CTSE: variants seen among roughly 807,000 people sequenced by gnomAD.
The protein encoded by CTSE is erythrocyte membrane aspartic proteinase.
CTSE carries 43 observed loss-of-function variants against 42.8 expected under a neutral mutation model. The ratio of observed to expected loss-of-function variants is 1.01; its 90% CI spans 0.79 to 1.30. The LOEUF (loss-of-function observed/expected upper bound fraction) is 1.30. CTSE is among the 50% of genes most tolerant of loss of function. The probability of loss-of-function intolerance (pLI) is 0.00; values close to 1 mark genes in which losing one functional copy is unlikely to be tolerated. For missense variants in CTSE, 532 were observed against 493.5 expected, an observed-to-expected ratio of 1.08 and a Z score of -0.74; for synonymous variants, 205 against 191.5, an observed-to-expected ratio of 1.07 and a Z score of -0.58.
In CTSE at chr1:206,023,034, G is replaced by T; in HGVS notation, c.92C>A (p.Ser31Tyr). 1 of 1,613,140 alleles carries T rather than the reference G, an allele frequency of 6.2e-7. No homozygotes were observed. The highest frequency in any genetic ancestry group is 2.2e-5 in the East Asian group (1 of 44,828). ...CCGTGCCCGCAGCTTCTTCTTGAGG[G>T]ACGGATGCCTCCTGAGGGGCACCCT... The part of the protein sequence containing the change: ...LHRVPLRRHP[S>Y]LKKKLRARSQ... The change falls in exon 2 of 9, where the codon TCC (serine) becomes TAC (tyrosine). Residue 31 changes from serine to tyrosine, a missense_variant. By Grantham distance (144) the Ser-to-Tyr change is moderately radical. Coordinates refer to ENST00000358184, the MANE Select transcript of CTSE (RefSeq NM_001910.4).
In CTSE at chr1:206,016,121, G is replaced by T; in HGVS notation, c.472C>A (p.Leu158Ile). The T allele has an allele frequency of 6.2e-7, 1 of 1,613,756 alleles. No individual in the cohort carries two copies. The highest frequency in any genetic ancestry group is 1.1e-5 in the South Asian group (1 of 91,082). ...IGADQVSVEG[L>I]TVVGQQFGES... ...CCAAACTGCTGGCCAACCACGGTTA[G>T]TCCTTCCACCTGGTAGGAGAAAGCC... The change falls in exon 5 of 9, where the codon CTA becomes ATA. Residue 158 changes from leucine (L) to isoleucine (I), a missense_variant. Physicochemically the swap from Leu to Ile is conservative, Grantham distance 5. Transcript: ENST00000358184.
At position 206,023,612 on chromosome 1, in the gene CTSE, C is replaced by T. The variant is rs545715999; in HGVS notation, c.68+112G>A. 1.9e-5 allele frequency: 19 copies of T among 981,322 alleles called. No homozygotes were observed. The East Asian group carries it at 4.1e-4, about 21-fold the overall frequency. 60.8% of individuals were successfully genotyped at this position (981,322 alleles called of 1,614,324 possible). ...GTCTCTTCCATGCATTGACGCAAGC[C>T]CTCAGCTTCTCCTCCTCTTCACCTC... is the stretch of plus-strand genomic sequence containing the variant. On this transcript the variant is annotated intron_variant, in intron 1 of 8. Coordinates refer to ENST00000358184, the MANE Select transcript of CTSE (RefSeq NM_001910.4).
rs782378691 is a variant in CTSE, at chr1:206,010,344, A to G, written c.1030T>C (p.Phe344Leu). 6.8e-6 allele frequency: 11 copies of G among 1,612,742 alleles called. No individual in the cohort carries two copies. The highest frequency in any genetic ancestry group is 8.5e-6 in the Non-Finnish European group (10 of 1,178,994). ...CTGCAGAACTGCATTCCATCCACGA[A>G]GTCCTGTGGGTTGGAAAGAAGGATG... ...LSPTAYTLLD[F>L]VDGMQFCSSG... is the part of the protein sequence containing the mutation. The change falls in exon 9 of 9, where the codon TTC (phenylalanine) becomes CTC (leucine). Residue 344 changes from phenylalanine (F) to leucine (L), a missense_variant. Physicochemically the swap from Phe to Leu is conservative, Grantham distance 22. Transcript: ENST00000358184.
chr1:206,013,635 C>T, intron 6 of CTSE, 137 bp downstream of exon 6: 2 of 1,093,316 alleles, frequency 1.8e-6, no homozygotes, highest in Admixed American at 2.3e-5. Flanking sequence ...ACTTGCTCAG[C>T]ACCTCCATAC....
chr1:206,019,099 T>A (rs1392226600), intron 4 of CTSE, among the ~76,000 whole-genome samples: 1 of 152,116 alleles, frequency 6.6e-6, no homozygotes, highest in Non-Finnish European at 1.5e-5. Flanking sequence ...ATGTCATATC[T>A]TTATTATGTC....
chr1:206,017,165 T>C (rs554779226), intron 4 of CTSE, among the ~76,000 whole-genome samples: 116 of 152,216 alleles, frequency 7.6e-4, no homozygotes, highest in African/African-American at 2.6e-3. Flanking sequence ...TTTTGTTAAA[T>C]TTACATCAAA....
chr1:206,015,933 G>A lies in CTSE; in HGVS notation c.660C>T (p.Ser220=). The change falls in exon 5 of 9, where the codon AGC becomes AGT. Residue 220 remains serine (S), a splice_region_variant and synonymous_variant. Coordinates refer to ENST00000358184, the MANE Select transcript of CTSE (RefSeq NM_001910.4). The part of the protein sequence containing the change: ...VDLPMFSVYM[S]SNPEGGAGSE... ...CTCACAGACTTGATGGGCCTTACCTGCTCATGTAGACAGAAAACATCGGCA... is the reference window on the plus strand; with the variant it reads ...CTCACAGACTTGATGGGCCTTACCTACTCATGTAGACAGAAAACATCGGCA... 1 of 1,613,462 alleles carries A rather than the reference G, an allele frequency of 6.2e-7. No individual in the cohort carries two copies.
chr1:206,018,585 A>G (rs1451484357), intron 4 of CTSE, among the ~76,000 whole-genome samples: 1 of 151,978 alleles, frequency 6.6e-6, no homozygotes, highest in Non-Finnish European at 1.5e-5. Flanking sequence ...ATAACAGAGT[A>G]TATCTTTAAA....
At position 206,022,180 on chromosome 1, in the gene CTSE, G is replaced by T. The variant is rs1661457121; in HGVS notation, c.313C>A (p.Pro105Thr). 2 of 1,612,136 alleles carry T rather than the reference G, an allele frequency of 1.2e-6. No homozygotes were observed. Among genetic ancestry groups the T allele is most frequent in the Non-Finnish European group, 1.7e-6 (2 of 1,178,528 alleles). ...GCTGGGCTAGTGCAGTACACAGAGG[G>T]GACCCAGAGGTTGGAGGAGCCAGTG... is the stretch of plus-strand genomic sequence containing the variant. ...FDTGSSNLWV[P>T]SVYCTSPACK... is the part of the protein sequence containing the mutation. Residue 105 changes from proline (P) to threonine (T), a missense_variant, in exon 3 of 9, where the codon CCC becomes ACC. Coordinates refer to ENST00000358184, the MANE Select transcript of CTSE (RefSeq NM_001910.4).
intron 6 of CTSE, among the ~76,000 whole-genome samples, chr1:206,013,103 C>A (rs1661162478): frequency 7.3e-6 from 1 of 137,810 alleles, no homozygotes; most frequent in African/African-American, 3.2e-5. Flanking sequence ...TTTTGCATTC[C>A]TAATGCCTGG....
At chr1:206,015,871 T>C in intron 5 of CTSE, 60 bp downstream of exon 5, 1 of 1,486,328 alleles carries the variant, frequency 6.7e-7, no homozygotes. Context: ...AAGTCAAGTG[T>C]ATGTGTTGTC....
In CTSE at chr1:206,012,156, G is replaced by C. The variant is rs977108004; in HGVS notation, c.1026+152C>G. On this transcript the variant is annotated intron_variant, in intron 8 of 8. Transcript: ENST00000358184. ...CGTGGTCTTTCCACCACAGGCAGCT[G>C]TGTCCCTCCCAGAGGGAATGCCACA... The C allele has an allele frequency of 1.7e-5, 11 of 640,828 alleles. 1 individual carries two copies. Among genetic ancestry groups the C allele is most frequent in the Admixed American group, 2.9e-5 (1 of 34,760 alleles). 39.7% of individuals were successfully genotyped at this position (640,828 alleles called of 1,614,324 possible). A position where few individuals can be genotyped will look rare whatever the true frequency, so the allele number is the denominator to read the frequency against.
At chr1:206,012,676 C>T in intron 6 of CTSE, 27 bp from the exon 7 acceptor site, 4 of 1,605,488 alleles carry the variant, frequency 2.5e-6, no homozygotes, top group Non-Finnish European at 3.4e-6. Flanking sequence ...GTGGTCGGCC[C>T]ACCTTCCCTC....
At chr1:206,023,324 G>T (rs946734137) in intron 1 of CTSE, among the ~76,000 whole-genome samples, 2 of 151,906 alleles carry the variant, frequency 1.3e-5, no homozygotes, top group African/African-American at 4.8e-5. Context: ...GAAAATGGGA[G>T]ATGTGGGGCG....
chr1:206,017,984 G>A (rs1392425922), intron 4 of CTSE, among the ~76,000 whole-genome samples: 1 of 151,832 alleles, frequency 6.6e-6, no homozygotes. Context: ...AGGATTTTCA[G>A]TACAATGTTG....
Position 206,012,375 on chromosome 1 carries a change from A to G in CTSE, c.959T>C (p.Met320Thr), listed in dbSNP as rs781976652. 6.8e-6 allele frequency: 11 copies of G among 1,613,880 alleles called. 1 individual carries two copies. The Admixed American group carries it at 1.0e-4, about 15-fold the overall frequency. Reference sequence around the variant, plus strand: ...GTTAATGGTGAAGGTGACATCCGGCATGACGTTAAGGTTGGCACACTCCAC... The same window carrying G: ...GTTAATGGTGAAGGTGACATCCGGCGTGACGTTAAGGTTGGCACACTCCAC... ...YAVECANLNV[M>T]PDVTFTINGV... is the part of the protein sequence containing the mutation. Residue 320 changes from methionine (M) to threonine (T), a missense_variant, in exon 8 of 9, where the codon ATG becomes ACG. Met to Thr is a moderately conservative substitution (Grantham distance 81). Coordinates refer to ENST00000358184, the MANE Select transcript of CTSE (RefSeq NM_001910.4).
intron 4 of CTSE, 104 bp downstream of exon 4, chr1:206,020,945 C>A: frequency 1.2e-6 from 1 of 834,414 alleles, no homozygotes; most frequent in African/African-American, 1.7e-5. Flanking sequence ...TTAGTGCTAA[C>A]CCCTGTTTCC....
At chr1:206,011,782 G>A (rs782411329) in intron 8 of CTSE, among the ~76,000 whole-genome samples, 1 of 152,046 alleles carries the variant, frequency 6.6e-6, no homozygotes, top group East Asian at 1.9e-4. Context: ...TGTCCAAAAG[G>A]TCTGGGAGTT....
At chr1:206,015,830 C>T in intron 5 of CTSE, 101 bp downstream of exon 5, 2 of 1,016,548 alleles carry the variant, frequency 2.0e-6, no homozygotes, top group Non-Finnish European at 2.9e-6. Flanking sequence ...GGTAATGGAC[C>T]AAGCTACCTA....
Sources: allele counts gnomAD v4.1 joint callset (sites outside exome capture counted in the v4.1 genomes callset), GRCh38; gene constraint gnomAD v4.1.1; transcripts MANE v1.5; gene names NCBI Gene and HGNC (gene_info 2026-07-23, HGNC 2026-07-21).